ACSM2B: variants seen among roughly 807,000 people sequenced by gnomAD.
ACSM2B encodes acyl-CoA synthetase medium chain family member 2B.
A neutral mutation model predicts 78.6 loss-of-function variants in ACSM2B; 58 were observed. The ratio of observed to expected loss-of-function variants is 0.74; its 90% CI spans 0.60 to 0.92. The LOEUF is 0.92. Ranked by LOEUF, ACSM2B falls within the 40% of genes least tolerant of loss-of-function variation. ACSM2B has a pLI of 0.00. For missense variants in ACSM2B, 688 were observed against 711.2 expected, an observed-to-expected ratio of 0.97 and a Z score of 0.37; for synonymous variants, 257 against 256.8, an observed-to-expected ratio of 1.00 and a Z score of -0.01.
chr16:20,568,401 TAA>T (rs2015997192), intron 1 of ACSM2B, among the ~76,000 whole-genome samples: 1 of 146,300 alleles, frequency 6.8e-6, no homozygotes. Context: ...CTACTATATA[TAA>T]ATATTTATAT....
intron 1 of ACSM2B, among the ~76,000 whole-genome samples, chr16:20,567,223 CTA>C (rs1369761844): frequency 1.6e-5 from 2 of 124,594 alleles, no homozygotes; most frequent in Non-Finnish European, 3.2e-5. Flanking sequence ...ATACTATATA[CTA>C]TATATAATAT....
Position 20,548,095 on chromosome 16 carries a change from C to G in ACSM2B, c.1065G>C (p.Leu355=). Residue 355 remains leucine, a synonymous_variant, in exon 8 of 14, where the codon CTG becomes CTC. Coordinates refer to ENST00000329697, the MANE Select transcript of ACSM2B (RefSeq NM_001105069.2). ...TCTGGCCATAGAATTCTCGGATGTC[C>G]AGTCCTGTCTGGGCCCTCCAGTTCT... ...TLENWRAQTG[L]DIREFYGQTE... 2 of 1,614,060 alleles carry G rather than the reference C, an allele frequency of 1.2e-6. No homozygotes were observed. The highest frequency in any genetic ancestry group is 2.2e-5 in the East Asian group (1 of 44,884).
rs2015766966 is a variant in ACSM2B, at chr16:20,564,714, A to G, written c.132T>C (p.Phe44=). 1.9e-6 allele frequency: 3 copies of G among 1,613,572 alleles called. No homozygotes were observed. The highest frequency in any genetic ancestry group is 2.5e-6 in the Non-Finnish European group (3 of 1,179,742). Residue 44 remains phenylalanine, a synonymous_variant, in exon 2 of 14, where the codon TTT becomes TTC. Coordinates refer to ENST00000329697, the MANE Select transcript of ACSM2B (RefSeq NM_001105069.2). ...GATCCAACACATCACTAGCAAAGTT[A>G]AACTTGGCCGGCACTTCCTGGTGGC... The part of the protein sequence containing the change: ...QWGHQEVPAK[F]NFASDVLDHW...
At chr16:20,562,607 T>G (rs1370468588) in intron 2 of ACSM2B, among the ~76,000 whole-genome samples, 1 of 152,162 alleles carries the variant, frequency 6.6e-6, no homozygotes, top group African/African-American at 2.4e-5. Context: ...ACCAACTCCC[T>G]TCTTTTTCAG....
rs753290502 is a variant in ACSM2B, at chr16:20,555,405, C to G, written c.460G>C (p.Ala154Pro). The G allele has an allele frequency of 1.1e-5, 17 of 1,613,908 alleles. No homozygotes were observed. The highest frequency in any genetic ancestry group is 1.4e-5 in the Non-Finnish European group (16 of 1,179,848). The change falls in exon 4 of 14, where the codon GCC becomes CCC. Residue 154 changes from alanine to proline, a missense_variant. By Grantham distance (27) the Ala-to-Pro change is conservative. Transcript: ENST00000329697. ...DILYRLQMSK[A>P]KAIVAGDEVI... ...TCATCCCCAGCAACAATAGCCTTGGCCTTAGACATCTGCAACCTATACAGT... is the reference window on the plus strand; with the variant it reads ...TCATCCCCAGCAACAATAGCCTTGGGCTTAGACATCTGCAACCTATACAGT...
chr16:20,544,063 G>T (rs527421054), intron 10 of ACSM2B, among the ~76,000 whole-genome samples: 2 of 152,314 alleles, frequency 1.3e-5, no homozygotes, highest in African/African-American at 4.8e-5. Context: ...TTAGGAATCT[G>T]CCCCACAGAC....
At chr16:20,560,118 T>A (rs1368246771) in intron 2 of ACSM2B, among the ~76,000 whole-genome samples, 1 of 150,920 alleles carries the variant, frequency 6.6e-6, no homozygotes, top group Non-Finnish European at 1.5e-5. Context: ...TCTCCCGAAG[T>A]TTTTCATCAT....
At chr16:20,546,643 A>G (rs1262592497) in intron 8 of ACSM2B, 169 bp from the exon 9 acceptor site, 10 of 1,235,790 alleles carry the variant, frequency 8.1e-6, no homozygotes, top group East Asian at 2.7e-5. Context: ...TGGAATCACA[A>G]TCCTAGGGGC....
chr16:20,545,987 C>A (rs187897278), intron 9 of ACSM2B, among the ~76,000 whole-genome samples: 1 of 152,260 alleles, frequency 6.6e-6, no homozygotes, highest in Non-Finnish European at 1.5e-5. Context: ...TGGATACATA[C>A]TATTTAATAC....
chr16:20,560,793 C>A (rs1307403943), intron 2 of ACSM2B, among the ~76,000 whole-genome samples: 3 of 152,028 alleles, frequency 2.0e-5, no homozygotes, highest in Admixed American at 2.0e-4. Flanking sequence ...GTCTTAGGCA[C>A]TGGTTAAATA....
chr16:20,537,233 T>A lies in ACSM2B; in HGVS notation c.*25A>T. 6.2e-7 allele frequency: 1 copy of A among 1,611,820 alleles called. No individual in the cohort carries two copies. Among genetic ancestry groups the A allele is most frequent in the African/African-American group, 1.3e-5 (1 of 75,008 alleles). ...AAAAGAAAGAGAAAGAAGAGGGGAA[T>A]CCAAATGAATGTCTCCTAGACGCCT... On this transcript the variant is annotated 3_prime_UTR_variant, in exon 14 of 14. Coordinates refer to ENST00000329697, the MANE Select transcript of ACSM2B (RefSeq NM_001105069.2).
At chr16:20,553,724 C>A in intron 5 of ACSM2B, 53 bp downstream of exon 5, 1 of 1,583,600 alleles carries the variant, frequency 6.3e-7, no homozygotes. Context: ...AACTCAGAAA[C>A]GTCTTCATGC....
intron 3 of ACSM2B, among the ~76,000 whole-genome samples, chr16:20,556,982 A>G (rs958047428): frequency 3.8e-4 from 58 of 151,062 alleles, no homozygotes; most frequent in African/African-American, 1.3e-3. Context: ...CTCTTTACCC[A>G]CTCTCATGCT....
At chr16:20,553,056 C>T (rs1486704210) in intron 5 of ACSM2B, among the ~76,000 whole-genome samples, 1 of 152,156 alleles carries the variant, frequency 6.6e-6, no homozygotes, top group South Asian at 2.1e-4. Flanking sequence ...CTTTTAGAAA[C>T]TGCCTTTTAC....
rs374858896 is a variant in ACSM2B, at chr16:20,537,302, G to C, written c.1690C>G (p.Arg564Gly). ...VTGKIQRTKL[R>G]DKEWKMSGKA... is the part of the protein sequence containing the mutation. ...CCGGACATCTTCCACTCCTTGTCTC[G>C]AAGTTTGGTTCGTTGAATTTTCCCT... The change falls in exon 14 of 14, where the codon CGA (arginine) becomes GGA (glycine). Residue 564 changes from arginine to glycine, a missense_variant. Transcript: ENST00000329697. The C allele has an allele frequency of 2.5e-6, 4 of 1,613,872 alleles. No individual in the cohort carries two copies. The highest frequency in any genetic ancestry group is 1.7e-5 in the Admixed American group (1 of 59,992).
chr16:20,546,262 G>T, intron 9 of ACSM2B, 132 bp downstream of exon 9: 53 of 1,382,498 alleles, frequency 3.8e-5, no homozygotes, highest in South Asian at 3.0e-4. Context: ...ACCTCCCTCC[G>T]TCCCTTTTTT....
chr16:20,540,341 C>T (rs912299196), intron 13 of ACSM2B, among the ~76,000 whole-genome samples: 3 of 150,246 alleles, frequency 2.0e-5, no homozygotes, highest in Admixed American at 6.7e-5. Flanking sequence ...CTCCCAGATT[C>T]GAGCGATTCT....
intron 6 of ACSM2B, 51 bp from the exon 7 acceptor site, chr16:20,548,524 T>G: frequency 6.2e-7 from 1 of 1,612,816 alleles, no homozygotes; most frequent in Non-Finnish European, 8.5e-7. Context: ...AAATGCCAAC[T>G]TATGGCTATG....
At chr16:20,550,644 C>A (rs545282696) in intron 6 of ACSM2B, among the ~76,000 whole-genome samples, 1 of 152,122 alleles carries the variant, frequency 6.6e-6, no homozygotes, top group Non-Finnish European at 1.5e-5. Flanking sequence ...CTTTTGAAGA[C>A]GTCATCTATG....
Sources: gnomAD v4.1 joint callset for allele counts (sites outside exome capture counted in the v4.1 genomes callset) on GRCh38, gnomAD v4.1.1 for gene constraint, MANE v1.5 for transcripts, NCBI Gene and HGNC (gene_info 2026-07-23, HGNC 2026-07-21) for gene names.